The following MTFR1L variants were observed in gnomAD, a reference collection of about 807,000 sequenced individuals.
The protein encoded by MTFR1L is mitochondrial fission regulator 1 like.
MTFR1L carries 10 observed loss-of-function variants against 27.9 expected under a neutral mutation model. The ratio of observed to expected loss-of-function variants is 0.36; its 90% CI spans 0.22 to 0.61. The LOEUF (loss-of-function observed/expected upper bound fraction) is 0.61. MTFR1L is among the 20% of genes least tolerant of loss of function. MTFR1L has a pLI of 0.73. For synonymous variants in MTFR1L, 151 were observed against 139.4 expected, an observed-to-expected ratio of 1.08 and a Z score of -0.58; for missense variants, 315 against 363.7, an observed-to-expected ratio of 0.87 and a Z score of 1.09.
chr1:25,829,736 G>A lies in MTFR1L; in HGVS notation c.679G>A (p.Glu227Lys). 6.2e-7 allele frequency: 1 copy of A among 1,613,764 alleles called. No homozygotes were observed. Among genetic ancestry groups the A allele is most frequent in the South Asian group, 1.1e-5 (1 of 91,088 alleles). ...CAAAGCTGCCTGCAGTTCGTCTGAA[G>A]AGGATGACTGCGTCTCTTTGTCCAA... is the stretch of plus-strand genomic sequence containing the variant. The part of the protein sequence containing the change: ...EHKAACSSSE[E>K]DDCVSLSKAS... The change falls in exon 6 of 7, where the codon GAG (glutamate) becomes AAG (lysine). Residue 227 changes from glutamate to lysine, a missense_variant. Physicochemically the swap from Glu to Lys is moderately conservative, Grantham distance 56. Transcript: ENST00000374303.
At chr1:25,830,010 T>A (rs1291082775) in intron 6 of MTFR1L, among the ~76,000 whole-genome samples, 180 bp downstream of exon 6, 1 of 152,296 alleles carries the variant, frequency 6.6e-6, no homozygotes, top group African/African-American at 2.4e-5. Context: ...AGAGCAACAC[T>A]ACATTTATTG....
chr1:25,828,064 C>T (rs1220716480), intron 5 of MTFR1L, among the ~76,000 whole-genome samples: 1 of 152,148 alleles, frequency 6.6e-6, no homozygotes, highest in Non-Finnish European at 1.5e-5. Flanking sequence ...CCCCCACCAC[C>T]ACTGAGACTT....
At chr1:25,828,210 ATTATG>A (rs374866414) in intron 5 of MTFR1L, among the ~76,000 whole-genome samples, 1 of 152,186 alleles carries the variant, frequency 6.6e-6, no homozygotes, top group East Asian at 1.9e-4. Context: ...GTTTCATGAC[ATTATG>A]TTATGTTTTC....
chr1:25,822,977 T>G, intron 1 of MTFR1L, 42 bp from the exon 2 acceptor site: 1 of 1,540,088 alleles, frequency 6.5e-7, no homozygotes, highest in Non-Finnish European at 9.0e-7. Context: ...ATCCCCACTG[T>G]GGGGGGTTGT....
intron 5 of MTFR1L, among the ~76,000 whole-genome samples, chr1:25,827,866 T>C (rs149476027): frequency 0.017 from 2,572 of 152,104 alleles, 75 homozygotes; most frequent in African/African-American, 0.059. Flanking sequence ...GCTGGGATTA[T>C]AGGCGCATGC....
intron 6 of MTFR1L, among the ~76,000 whole-genome samples, 179 bp downstream of exon 6, chr1:25,830,009 C>T (rs1465002813): frequency 6.6e-6 from 1 of 152,196 alleles, no homozygotes; most frequent in Non-Finnish European, 1.5e-5. Flanking sequence ...AAGAGCAACA[C>T]TACATTTATT....
chr1:25,827,799 C>A (rs192107778), intron 5 of MTFR1L, among the ~76,000 whole-genome samples: 129 of 152,224 alleles, frequency 8.5e-4, no homozygotes, highest in African/African-American at 2.9e-3. Flanking sequence ...GATCTTGGCT[C>A]ACTGCAACCT....
chr1:25,832,240 T>A lies in MTFR1L; in HGVS notation c.*214T>A. On this transcript the variant is annotated 3_prime_UTR_variant, in exon 7 of 7. Coordinates refer to ENST00000374303, the MANE Select transcript of MTFR1L (RefSeq NM_001099625.2). ...AAGGCTTGTGATTTGACCTGAGACA[T>A]TTGTTTCAGGTAATCGTGTAGAATG... 1 of 1,367,056 alleles carries A rather than the reference T, an allele frequency of 7.3e-7. No individual in the cohort carries two copies. Among genetic ancestry groups the A allele is most frequent in the Non-Finnish European group, 1.0e-6 (1 of 995,956 alleles). 84.7% of individuals were successfully genotyped at this position (1,367,056 alleles called of 1,614,324 possible). A position where few individuals can be genotyped will look rare whatever the true frequency, so the allele number is the denominator to read the frequency against.
rs781362747 is a variant in MTFR1L at position 25,823,659 on chromosome 1, C to G, written c.40C>G (p.Gln14Glu). 9 of 1,613,904 alleles carry G rather than the reference C, an allele frequency of 5.6e-6. No homozygotes were observed. In the South Asian group the frequency reaches 8.8e-5, roughly 16 times the overall value. Residue 14 changes from glutamine to glutamate, a missense_variant, in exon 3 of 7, where the codon CAA (glutamine) becomes GAA (glutamate). Transcript: ENST00000374303. ...TTTGCTCCAGACCATCCCAATCTGG[C>G]AAAACAAGCCACATGGGGCTGCTCG... Reference protein sequence around the residue: ...MEATVTIPIWQNKPHGAARSV... With the variant: ...MEATVTIPIWENKPHGAARSV...
At chr1:25,827,527 GC>G in intron 5 of MTFR1L, among the ~76,000 whole-genome samples, 1 of 151,106 alleles carries the variant, frequency 6.6e-6, no homozygotes, top group Admixed American at 6.6e-5. Context: ...TGCAACCTCT[GC>G]CTCCCAGGCT....
At chr1:25,820,211 T>A (rs913735799) in intron 1 of MTFR1L, 182 bp downstream of exon 1, 16 of 454,956 alleles carry the variant, frequency 3.5e-5, no homozygotes, top group African/African-American at 3.2e-4. Flanking sequence ...GAAGGGTAGT[T>A]GCTCGTCGGA....
In MTFR1L at chr1:25,826,389, G is replaced by A; in HGVS notation, c.217G>A (p.Glu73Lys). The change falls in exon 4 of 7, where the codon GAG becomes AAG. Residue 73 changes from glutamate to lysine, a missense_variant. Transcript: ENST00000374303. This position sits in a 1 kb window ranked among gnomAD's most constrained non-coding sequence, Gnocchi z 4.1. ...CATCGCCTGGATTGCTGCGGATGAA[G>A]AGGAGACATATGCCCGGGTCAGGTA... is the stretch of plus-strand genomic sequence containing the variant. ...ADIAWIAADE[E>K]ETYARVRSDT... 1.2e-6 allele frequency: 2 copies of A among 1,614,218 alleles called. No individual in the cohort carries two copies. Among genetic ancestry groups the A allele is most frequent in the East Asian group, 2.2e-5 (1 of 44,882 alleles).
chr1:25,825,356 T>G (rs997901119), intron 3 of MTFR1L, among the ~76,000 whole-genome samples: 1 of 152,152 alleles, frequency 6.6e-6, no homozygotes, highest in African/African-American at 2.4e-5. Context: ...TTATGAAAAG[T>G]AAAAGGAAAA....
intron 3 of MTFR1L, chr1:25,825,994 C>G (rs2048162402): frequency 6.5e-6 from 2 of 309,214 alleles, no homozygotes; most frequent in African/African-American, 4.3e-5. Flanking sequence ...CCACCATACC[C>G]AGATAATTTT....
Position 25,823,756 on chromosome 1 carries a change from T to C in MTFR1L, c.129+8T>C. ...GCCCGGGCGTCCTTTGAGGTGAGTA[T>C]GTTGGAAGGGCAGGAGAGTAGAGGC... is the stretch of plus-strand genomic sequence containing the variant. On this transcript the variant is annotated splice_region_variant and intron_variant, in intron 3 of 6. Coordinates refer to ENST00000374303, the MANE Select transcript of MTFR1L (RefSeq NM_001099625.2). 6.2e-7 allele frequency: 1 copy of C among 1,613,314 alleles called. No homozygotes were observed. Among genetic ancestry groups the C allele is most frequent in the Non-Finnish European group, 8.5e-7 (1 of 1,179,620 alleles).
chr1:25,830,953 T>C (rs1478255709), intron 6 of MTFR1L, among the ~76,000 whole-genome samples: 1 of 152,178 alleles, frequency 6.6e-6, no homozygotes, highest in Non-Finnish European at 1.5e-5. Context: ...GCTGCTGTTT[T>C]TGGTCTTCTC....
At position 25,829,931 on chromosome 1, in the gene MTFR1L, A is replaced by G. The variant is rs549286058; in HGVS notation, c.773+101A>G. On this transcript the variant is annotated intron_variant, in intron 6 of 6. Transcript: ENST00000374303. The stretch of plus-strand genomic sequence containing the variant: ...TACATAGTAAGTTCTTAGTAGTACC[A>G]TATGTTATGTCATTCATAAAGCTTG... 5.6e-4 allele frequency: 628 copies of G among 1,129,854 alleles called. 2 individuals carry two copies. In the African/African-American group the frequency reaches 7.3e-3, roughly 13 times the overall value. The allele number at this position is 1,129,854 out of a possible 1,614,324, so 70.0% of individuals were successfully genotyped here.
chr1:25,820,559 G>A (rs1446438435), intron 1 of MTFR1L: 1 of 365,138 alleles, frequency 2.7e-6, no homozygotes, highest in South Asian at 2.0e-5. Context: ...GGGACCAGGG[G>A]TGCTGAGCAG....
chr1:25,821,559 G>A (rs1344921814), intron 1 of MTFR1L: 1 of 152,238 alleles, frequency 6.6e-6, no homozygotes, highest in East Asian at 1.9e-4. Flanking sequence ...TAGAAGAGGG[G>A]ACCCTCCACA....
Sources: gnomAD v4.1 joint callset for allele counts (sites outside exome capture counted in the v4.1 genomes callset) on GRCh38, gnomAD v4.1.1 for gene constraint, Gnocchi (gnomAD v3.1) non-coding constraint, MANE v1.5 for transcripts, NCBI Gene and HGNC (gene_info 2026-07-23, HGNC 2026-07-21) for gene names.